The following SLC29A4 variants were observed in gnomAD, a reference collection of about 807,000 sequenced individuals.
SLC29A4 encodes the protein equilibrative nucleoside transporter 4.
Under a neutral mutation model 43.9 loss-of-function variants are expected in SLC29A4, and 36 were observed. That is an observed-to-expected ratio of 0.82 (90% confidence interval 0.63 to 1.08). SLC29A4 has a LOEUF of 1.08. Ranked by LOEUF, SLC29A4 falls within the 50% of genes least tolerant of loss-of-function variation. The probability of loss-of-function intolerance (pLI) is 0.00; values close to 1 mark genes in which losing one functional copy is unlikely to be tolerated. For missense variants in SLC29A4, 869 were observed against 755.3 expected, an observed-to-expected ratio of 1.15 and a Z score of -1.77; for synonymous variants, 491 against 338.0, an observed-to-expected ratio of 1.45 and a Z score of -4.97.
In SLC29A4 at chr7:5,303,827, G is replaced by T. The variant is rs531126700; in HGVS notation, c.*888G>T. The stretch of plus-strand genomic sequence containing the variant: ...CCTGGAACGTAGGGAGGGGCTGGGG[G>T]TCAGTCCAGCCCGGGCCTCCCAGAA... On this transcript the variant is annotated 3_prime_UTR_variant, in exon 11 of 11. Coordinates refer to ENST00000396872, the MANE Select transcript of SLC29A4 (RefSeq NM_153247.4). 2 of 152,236 alleles carry T rather than the reference G, an allele frequency of 1.3e-5. No homozygotes were observed. The highest frequency in any genetic ancestry group is 4.8e-5 in the African/African-American group (2 of 41,454). The allele number at this position is 152,236 out of a possible 1,614,324, so 9.4% of individuals were successfully genotyped here. A position where few individuals can be genotyped will look rare whatever the true frequency, so the allele number is the denominator to read the frequency against.
rs1554261395 is a variant in SLC29A4, at chr7:5,286,544, A to AGG, written c.-8-1265_-8-1264insGG. ...TCTCAAAAAAAAAAAAGAAAAAAGA[A>AGG]AAAAATCATTTTAGGGGAAAAAGCT... On this transcript the variant is annotated intron_variant, in intron 1 of 10. Transcript: ENST00000396872. Among the ~76,000 whole-genome samples, 2 of 147,020 alleles carry AGG rather than the reference A, an allele frequency of 1.4e-5. 1 individual carries two copies. The highest frequency in any genetic ancestry group is 5.2e-5 in the African/African-American group (2 of 38,600).
Position 5,287,922 on chromosome 7 carries a change from G to A in SLC29A4, c.106G>A (p.Ala36Thr), listed in dbSNP as rs1336041525. 1 of 1,611,864 alleles carries A rather than the reference G, an allele frequency of 6.2e-7. No individual in the cohort carries two copies. The highest frequency in any genetic ancestry group is 8.5e-7 in the Non-Finnish European group (1 of 1,179,780). Residue 36 changes from alanine (A) to threonine (T), a missense_variant, in exon 2 of 11, where the codon GCG becomes ACG. Transcript: ENST00000396872. ...FTFDSHQLEE[A>T]AEAAQGQGLR... ...CTTCGACAGTCACCAGCTGGAGGAG[G>A]CGGCGGAGGCGGCTCAGGGCCAGGG... is the stretch of plus-strand genomic sequence containing the variant.
intron 10 of SLC29A4, among the ~76,000 whole-genome samples, chr7:5,302,307 G>C (rs77003241): frequency 0.033 from 4,951 of 152,264 alleles, 254 homozygotes; most frequent in African/African-American, 0.11. Context: ...TCAGGACGGT[G>C]TTTTGGGAGG....
At chr7:5,293,693 GGAGTGCA>G (rs1361340769) in intron 5 of SLC29A4, among the ~76,000 whole-genome samples, 1 of 152,132 alleles carries the variant, frequency 6.6e-6, no homozygotes, top group Non-Finnish European at 1.5e-5. Context: ...CGCCCAGGCT[GGAGTGCA>G]GTGGTGGGAT....
chr7:5,300,257 T>A (rs1042452862), intron 9 of SLC29A4, among the ~76,000 whole-genome samples, 165 bp from the exon 10 acceptor site: 1 of 151,800 alleles, frequency 6.6e-6, no homozygotes, highest in East Asian at 1.9e-4. Flanking sequence ...TAAGTGGAAT[T>A]TGGGGGGCTT....
chr7:5,283,263 C>T (rs1254254358), intron 1 of SLC29A4, among the ~76,000 whole-genome samples, 181 bp downstream of exon 1: 1 of 151,476 alleles, frequency 6.6e-6, no homozygotes, highest in Non-Finnish European at 1.5e-5. Flanking sequence ...GCCCAGCCCC[C>T]CGCGCCCGGC....
intron 1 of SLC29A4, among the ~76,000 whole-genome samples, chr7:5,284,147 G>T (rs1009548843): frequency 2.6e-5 from 4 of 152,176 alleles, no homozygotes; most frequent in East Asian, 1.9e-4. Context: ...GTTCTGGGAG[G>T]CCGGGGCTGA....
intron 10 of SLC29A4, among the ~76,000 whole-genome samples, chr7:5,302,403 C>G (rs1476329966): frequency 6.6e-6 from 1 of 152,144 alleles, no homozygotes; most frequent in African/African-American, 2.4e-5. Context: ...GTTAGCCAGG[C>G]ACGGTGGTGC....
chr7:5,299,719 C>T (rs1257330838), intron 9 of SLC29A4, among the ~76,000 whole-genome samples: 1 of 152,202 alleles, frequency 6.6e-6, no homozygotes, highest in Non-Finnish European at 1.5e-5. Context: ...GAGGATGCCC[C>T]AGAGGGGACT....
chr7:5,290,887 C>T (rs1391372140), intron 3 of SLC29A4, 24 bp downstream of exon 3: 3 of 1,590,384 alleles, frequency 1.9e-6, no homozygotes, highest in African/African-American at 2.7e-5. Context: ...CGGTCACGCC[C>T]AGCCACTCAG....
chr7:5,296,843 G>A (rs1193406636), intron 6 of SLC29A4, 93 bp from the exon 7 acceptor site: 160 of 1,372,578 alleles, frequency 1.2e-4, no homozygotes, highest in Non-Finnish European at 1.4e-4. Flanking sequence ...GGGCCGGTGG[G>A]GAGGGGTCTG....
intron 10 of SLC29A4, 38 bp downstream of exon 10, chr7:5,300,700 C>T (rs751301402): frequency 1.3e-6 from 2 of 1,594,274 alleles, no homozygotes; most frequent in African/African-American, 1.3e-5. Flanking sequence ...GGCGTCCTCC[C>T]AGCAGCGCAA....
At chr7:5,287,584 T>G (rs1785038989) in intron 1 of SLC29A4, among the ~76,000 whole-genome samples, 1 of 152,210 alleles carries the variant, frequency 6.6e-6, no homozygotes, top group South Asian at 2.1e-4. Flanking sequence ...GGCCCTTGCC[T>G]AAGGTCACAC....
Position 5,300,521 on chromosome 7 carries a change from C to T in SLC29A4, c.1309C>T (p.Pro437Ser). 6.2e-7 allele frequency: 1 copy of T among 1,612,218 alleles called. No homozygotes were observed. The highest frequency in any genetic ancestry group is 8.5e-7 in the Non-Finnish European group (1 of 1,179,778). ...CCCCCTCTTCATCCTGTGCGTCTAC[C>T]CCAGCGGCATGCCCGCCCTCCGTCA... ...FIPLFILCVY[P>S]SGMPALRHPA... Residue 437 changes from proline (P) to serine (S), a missense_variant, in exon 10 of 11, where the codon CCC becomes TCC. Physicochemically the swap from Pro to Ser is moderately conservative, Grantham distance 74 (BLOSUM62 -1). Coordinates refer to ENST00000396872, the MANE Select transcript of SLC29A4 (RefSeq NM_153247.4).
Position 5,290,821 on chromosome 7 carries a change from A to G in SLC29A4, c.259A>G (p.Ser87Gly). ...AGVGFLLPYN[S>G]FITDVDYLHH... ...CGTGGGCTTCCTGCTGCCATACAAC[A>G]GCTTCATCACGGACGTGGACTACCT... The change falls in exon 3 of 11, where the codon AGC becomes GGC. Residue 87 changes from serine to glycine, a missense_variant. By Grantham distance (56) the Ser-to-Gly change is moderately conservative. Coordinates refer to ENST00000396872, the MANE Select transcript of SLC29A4 (RefSeq NM_153247.4). 6.2e-7 allele frequency: 1 copy of G among 1,613,930 alleles called. No homozygotes were observed.
chr7:5,297,630 C>T (rs1268852482), intron 7 of SLC29A4, among the ~76,000 whole-genome samples: 3 of 152,180 alleles, frequency 2.0e-5, no homozygotes, highest in Non-Finnish European at 4.4e-5. Context: ...AGCAAACTCT[C>T]TAGGAAGCTC....
rs375511310 is a variant in SLC29A4, at chr7:5,300,679, G to A, written c.1450+17G>A. The A allele has an allele frequency of 1.3e-5, 21 of 1,601,302 alleles. No individual in the cohort carries two copies. The highest frequency in any genetic ancestry group is 1.1e-4 in the African/African-American group (8 of 74,786). ...AGCTGGCAGGTGAGGCCCGCGGGAC[G>A]TGGGGGTGGGGGCGTCCTCCCAGCA... is the stretch of plus-strand genomic sequence containing the variant. On this transcript the variant is annotated intron_variant, in intron 10 of 10. Transcript: ENST00000396872.
intron 6 of SLC29A4, among the ~76,000 whole-genome samples, chr7:5,296,466 G>A (rs986142545): frequency 1.4e-5 from 2 of 139,626 alleles, no homozygotes; most frequent in African/African-American, 5.4e-5. Flanking sequence ...GGCACCCGGA[G>A]TTGGGGCGGG....
At chr7:5,290,396 C>T (rs1007269693) in intron 2 of SLC29A4, among the ~76,000 whole-genome samples, 2 of 152,108 alleles carry the variant, frequency 1.3e-5, no homozygotes, top group Admixed American at 6.6e-5. Context: ...GGGGTTTCAC[C>T]ATGTTGGCCA....
Sources: gnomAD v4.1 joint callset for allele counts (sites outside exome capture counted in the v4.1 genomes callset) on GRCh38, gnomAD v4.1.1 for gene constraint, MANE v1.5 for transcripts, NCBI Gene and HGNC (gene_info 2026-07-23, HGNC 2026-07-21) for gene names.